The following XYLB variants were observed in gnomAD, a reference collection of about 807,000 sequenced individuals.
XYLB encodes the protein xylulokinase.
XYLB carries 62 observed loss-of-function variants against 78.7 expected under a neutral mutation model. The observed-to-expected ratio is 0.79, with a 90% CI of 0.64 to 0.97. XYLB has a LOEUF of 0.97. XYLB is among the 50% of genes least tolerant of loss of function. The probability of loss-of-function intolerance (pLI) is 0.00; values close to 1 mark genes in which losing one functional copy is unlikely to be tolerated. For missense variants in XYLB, 687 were observed against 676.8 expected (o/e 1.02, Z -0.17); for synonymous variants, 245 against 247.4 (o/e 0.99, Z 0.09).
chr3:38,364,894 G>T (rs1333149458), intron 4 of XYLB, among the ~76,000 whole-genome samples: 1 of 152,192 alleles, frequency 6.6e-6, no homozygotes, highest in Non-Finnish European at 1.5e-5. Context: ...ATAAATAAAT[G>T]AATTTCAGGT....
In XYLB at chr3:38,409,258, A is replaced by G. The variant is rs374655222; in HGVS notation, c.1534-3678A>G. 1.1e-4 allele frequency among the ~76,000 whole-genome samples: 17 copies of G among 152,224 alleles called. No individual in the cohort carries two copies. In the South Asian group the frequency reaches 2.5e-3, roughly 22 times the overall value. On this transcript the variant is annotated intron_variant, in intron 18 of 18. Coordinates refer to ENST00000207870, the MANE Select transcript of XYLB (RefSeq NM_005108.4). ...TATGCAAATCAATAAATGTAATCCAACATATAAACAGAACCAAAGACAAAA... is the reference window on the plus strand; with the variant it reads ...TATGCAAATCAATAAATGTAATCCAGCATATAAACAGAACCAAAGACAAAA...
At chr3:38,437,238 G>T in the XYLB span, among the ~76,000 whole-genome samples, 1 of 151,968 alleles carries the variant, frequency 6.6e-6, no homozygotes, top group African/African-American at 2.4e-5. Flanking sequence ...ATAGTCTCAA[G>T]AAATTAGGCA....
At chr3:38,372,623 C>T (rs1706629686) in intron 9 of XYLB, 32 bp from the exon 10 acceptor site, 2 of 1,613,776 alleles carry the variant, frequency 1.2e-6, no homozygotes, top group African/African-American at 1.3e-5. Flanking sequence ...TTTACCTCAA[C>T]AGAGCACCTT....
intron 15 of XYLB, among the ~76,000 whole-genome samples, chr3:38,385,147 C>T (rs7639629): frequency 0.023 from 3,525 of 152,068 alleles, 147 homozygotes; most frequent in African/African-American, 0.08. Flanking sequence ...ATTACAGGTG[C>T]GCGCCATACC....
At position 38,371,304 on chromosome 3, in the gene XYLB, G is replaced by C. The variant is rs535657993; in HGVS notation, c.765+1130G>C. Among the ~76,000 whole-genome samples, 4 of 149,808 alleles carry C rather than the reference G, an allele frequency of 2.7e-5. No individual in the cohort carries two copies. In the South Asian group the frequency reaches 8.5e-4, roughly 32 times the overall value. ...TTTTTTTTTTTTGAGACAGAGTCTC[G>C]CTTTTGTCACCCAGGCTGGAGTGCA... is the stretch of plus-strand genomic sequence containing the variant. On this transcript the variant is annotated intron_variant, in intron 9 of 18. Coordinates refer to ENST00000207870, the MANE Select transcript of XYLB (RefSeq NM_005108.4).
chr3:38,375,401 C>T (rs994949579), intron 12 of XYLB, 142 bp downstream of exon 12: 9 of 704,030 alleles, frequency 1.3e-5, no homozygotes, highest in Admixed American at 4.9e-5. Flanking sequence ...GCAACTGAGA[C>T]CCCCAAGGAC....
At chr3:38,420,947 G>C (rs1708957306), downstream of XYLB, among the ~76,000 whole-genome samples, 1 of 152,232 alleles carries the variant, frequency 6.6e-6, no homozygotes, top group African/African-American at 2.4e-5. Flanking sequence ...AACCACAAAC[G>C]ATAGCAGGAA....
intron 15 of XYLB, among the ~76,000 whole-genome samples, chr3:38,393,606 C>A (rs149574154): frequency 4.9e-4 from 75 of 152,320 alleles, no homozygotes; most frequent in African/African-American, 1.7e-3. Context: ...TTTATTTTCT[C>A]ACAGTTCTGG....
chr3:38,347,931 T>C (rs1168106351), intron 1 of XYLB, among the ~76,000 whole-genome samples: 6 of 152,208 alleles, frequency 3.9e-5, no homozygotes, highest in Non-Finnish European at 7.4e-5. Context: ...ACCCCTCTTC[T>C]CGAATGGGTC....
rs759876171 is a variant in XYLB at position 38,376,953 on chromosome 3, A to G, written c.1156A>G (p.Ile386Val). The G allele has an allele frequency of 1.9e-5, 31 of 1,614,128 alleles. No individual in the cohort carries two copies. The highest frequency in any genetic ancestry group is 3.3e-4 in the Middle Eastern group (2 of 6,062). ...YFDVMEITPE[I>V]IGRHRFNTEN... The stretch of plus-strand genomic sequence containing the variant: ...TGATGTAATGGAGATCACCCCTGAA[A>G]TTATTGGACGTCATAGGTTTAACAC... Residue 386 changes from isoleucine (I) to valine (V), a missense_variant, in exon 14 of 19, where the codon ATT becomes GTT. Coordinates refer to ENST00000207870, the MANE Select transcript of XYLB (RefSeq NM_005108.4).
chr3:38,411,981 ACT>A (rs1708609851), intron 18 of XYLB, among the ~76,000 whole-genome samples: 1 of 133,044 alleles, frequency 7.5e-6, no homozygotes, highest in Non-Finnish European at 1.6e-5. Flanking sequence ...GTGGATCTCA[ACT>A]CTTTTTTTTT....
the XYLB span, among the ~76,000 whole-genome samples, chr3:38,445,244 C>G: frequency 6.6e-6 from 1 of 152,092 alleles, no homozygotes; most frequent in Non-Finnish European, 1.5e-5. Flanking sequence ...TTCTGAAGCT[C>G]CCCATATAGC....
the XYLB span, among the ~76,000 whole-genome samples, chr3:38,427,885 C>T: frequency 6.6e-6 from 1 of 152,164 alleles, no homozygotes; most frequent in African/African-American, 2.4e-5. Flanking sequence ...AGCCACCATG[C>T]CTGGTCAATG....
intron 11 of XYLB, among the ~76,000 whole-genome samples, chr3:38,374,821 T>C (rs1253566248): frequency 6.6e-6 from 1 of 152,056 alleles, no homozygotes; most frequent in East Asian, 1.9e-4. Context: ...GCAGCGCAGA[T>C]GAATAAGGAA....
At chr3:38,434,182 C>T in the XYLB span, among the ~76,000 whole-genome samples, 1 of 152,148 alleles carries the variant, frequency 6.6e-6, no homozygotes, top group Non-Finnish European at 1.5e-5. Flanking sequence ...CCTGGTCCTG[C>T]CTTTGACATG....
chr3:38,439,655 G>A, the XYLB span, among the ~76,000 whole-genome samples: 3 of 152,088 alleles, frequency 2.0e-5, no homozygotes, highest in African/African-American at 4.8e-5. Flanking sequence ...CCAGCTACTC[G>A]GGAGGCTGAG....
At chr3:38,396,716 T>C (rs997897453) in intron 16 of XYLB, among the ~76,000 whole-genome samples, 39 of 152,204 alleles carry the variant, frequency 2.6e-4, no homozygotes, top group African/African-American at 8.7e-4. Context: ...TCTTGTTAGC[T>C]TGGGTTTGTT....
intron 3 of XYLB, 90 bp downstream of exon 3, chr3:38,360,498 C>T: frequency 8.4e-7 from 1 of 1,197,172 alleles, no homozygotes; most frequent in Non-Finnish European, 1.2e-6. Context: ...AGGTGGCAGC[C>T]AATGAGAGCA....
intron 18 of XYLB, among the ~76,000 whole-genome samples, chr3:38,407,310 A>C (rs1461606700): frequency 1.3e-5 from 2 of 151,428 alleles, no homozygotes; most frequent in East Asian, 3.9e-4. Context: ...AAGAAATAAA[A>C]TACTTTACAG....
Sources: gnomAD v4.1 joint callset for allele counts (sites outside exome capture counted in the v4.1 genomes callset) on GRCh38, gnomAD v4.1.1 for gene constraint, MANE v1.5 for transcripts, NCBI Gene and HGNC (gene_info 2026-07-23, HGNC 2026-07-21) for gene names.